Variants in PLCB1 observed in about 807,000 individuals in gnomAD.
PLCB1 encodes the protein phospholipase C beta 1, also known as 1-phosphatidylinositol 4,5-bisphosphate phosphodiesterase beta-1.
Under a neutral mutation model 161.8 loss-of-function variants are expected in PLCB1, and 46 were observed. That is an observed-to-expected ratio of 0.28 (90% CI 0.22 to 0.36). The LOEUF (loss-of-function observed/expected upper bound fraction) is 0.36, where lower values mean the gene tolerates loss of function less well. Ranked by LOEUF, PLCB1 falls within the 10% of genes least tolerant of loss-of-function variation. The pLI, the probability that PLCB1 is intolerant of heterozygous loss-of-function variation, is 1.00. For synonymous variants in PLCB1, 517 were observed against 503.7 expected, an observed-to-expected ratio of 1.03 and a Z score of -0.35; for missense variants, 1,016 against 1,472.5, an observed-to-expected ratio of 0.69 and a Z score of 5.07.
At chr20:8,134,896 C>T (rs536632262) in intron 1 of PLCB1, among the ~76,000 whole-genome samples, 12 of 151,814 alleles carry the variant, frequency 7.9e-5, no homozygotes, top group African/African-American at 2.9e-4. Flanking sequence ...CTAGACTGCA[C>T]TCAGGAGTCA....
chr20:8,780,882 G>A (rs1159408921), intron 27 of PLCB1, among the ~76,000 whole-genome samples: 2 of 152,160 alleles, frequency 1.3e-5, no homozygotes, highest in African/African-American at 4.8e-5. Flanking sequence ...CTGTAAGGAG[G>A]AACAACAAGA....
intron 2 of PLCB1, among the ~76,000 whole-genome samples, chr20:8,214,785 A>G (rs1286020638): frequency 1.3e-5 from 2 of 151,942 alleles, no homozygotes; most frequent in Non-Finnish European, 2.9e-5. Context: ...GGAGTTTGGG[A>G]TGATAGTTTT....
intron 11 of PLCB1, among the ~76,000 whole-genome samples, chr20:8,704,984 C>CTTTT (rs368791318): frequency 2.1e-4 from 25 of 118,804 alleles, no homozygotes; most frequent in African/African-American, 7.6e-4. Flanking sequence ...CTCCTTTACT[C>CTTTT]TTTTTTTTTT....
At chr20:8,558,051 G>A (rs79507832) in intron 3 of PLCB1, among the ~76,000 whole-genome samples, 2,926 of 151,858 alleles carry the variant, frequency 0.019, 84 homozygotes, top group African/African-American at 0.067. Context: ...GGGAAGTAGT[G>A]AGGCTTAATG....
intron 2 of PLCB1, among the ~76,000 whole-genome samples, chr20:8,239,377 C>T (rs992801817): frequency 6.6e-6 from 1 of 151,952 alleles, no homozygotes; most frequent in Non-Finnish European, 1.5e-5. Context: ...TTAGGCAAGG[C>T]AGTGCTAACA....
intron 1 of PLCB1, among the ~76,000 whole-genome samples, chr20:8,145,293 T>C (rs760928770): frequency 6.6e-6 from 1 of 152,112 alleles, no homozygotes; most frequent in Non-Finnish European, 1.5e-5. Context: ...TCTCTTCTTA[T>C]AAGGACACCA....
At chr20:8,388,829 A>G (rs891541580) in intron 3 of PLCB1, among the ~76,000 whole-genome samples, 15 of 152,196 alleles carry the variant, frequency 9.9e-5, no homozygotes, top group African/African-American at 3.6e-4. Flanking sequence ...ATTATATGGC[A>G]TAGTTCCTTT....
At chr20:8,641,348 A>G (rs1218543381) in intron 4 of PLCB1, among the ~76,000 whole-genome samples, 1 of 152,256 alleles carries the variant, frequency 6.6e-6, no homozygotes, top group Non-Finnish European at 1.5e-5. Flanking sequence ...CAAAAGACAT[A>G]AATCATAAAG....
chr20:8,265,168 T>C (rs1012151354), intron 2 of PLCB1, among the ~76,000 whole-genome samples: 7 of 152,188 alleles, frequency 4.6e-5, no homozygotes, highest in African/African-American at 1.7e-4. Flanking sequence ...ACACCAGTCA[T>C]TAGCTGCATA....
At chr20:8,871,389 G>A (rs539701046) in intron 31 of PLCB1, among the ~76,000 whole-genome samples, 9 of 152,250 alleles carry the variant, frequency 5.9e-5, no homozygotes, top group African/African-American at 2.2e-4. Flanking sequence ...CCAAAATAAG[G>A]ATAATACTAA....
intron 18 of PLCB1, 98 bp from the exon 19 acceptor site, chr20:8,733,140 T>C (rs1980361770): frequency 2.4e-6 from 3 of 1,236,972 alleles, no homozygotes; most frequent in Admixed American, 3.7e-5. Flanking sequence ...GGGAATACAG[T>C]CACAAAAGTG....
chr20:8,255,832 A>G (rs1300089459), intron 2 of PLCB1, among the ~76,000 whole-genome samples: 1 of 152,130 alleles, frequency 6.6e-6, no homozygotes, highest in Non-Finnish European at 1.5e-5. Context: ...TACATACATC[A>G]TCATGATCCC....
intron 9 of PLCB1, among the ~76,000 whole-genome samples, chr20:8,666,911 C>T (rs1989825209): frequency 6.6e-6 from 1 of 152,288 alleles, no homozygotes; most frequent in South Asian, 2.1e-4. Flanking sequence ...CTTTCTCCTC[C>T]TGACCTACCC....
intron 3 of PLCB1, among the ~76,000 whole-genome samples, chr20:8,417,097 TTTTTTTTG>T (rs1979332196): frequency 2.9e-5 from 3 of 102,162 alleles, no homozygotes; most frequent in African/African-American, 7.5e-5. Context: ...TTTTTTTTTT[TTTTTTTTG>T]AGATGGAGTC....
chr20:8,192,136 T>A (rs1303205496), intron 2 of PLCB1, among the ~76,000 whole-genome samples: 1 of 152,056 alleles, frequency 6.6e-6, no homozygotes, highest in Non-Finnish European at 1.5e-5. Flanking sequence ...TTAAAAAATG[T>A]CATCCTTTTA....
At chr20:8,571,851 G>C (rs1986530434) in intron 3 of PLCB1, among the ~76,000 whole-genome samples, 2 of 152,128 alleles carry the variant, frequency 1.3e-5, no homozygotes, top group Non-Finnish European at 2.9e-5. Flanking sequence ...AGTCATTAGG[G>C]CTGATTACAT....
intron 3 of PLCB1, among the ~76,000 whole-genome samples, chr20:8,377,351 G>A (rs374416119): frequency 1.3e-5 from 2 of 152,156 alleles, no homozygotes; most frequent in East Asian, 3.9e-4. Context: ...AGGCCAATGT[G>A]GCTACTGTAG....
chr20:8,419,443 G>A (rs1979440937), intron 3 of PLCB1, among the ~76,000 whole-genome samples: 1 of 151,980 alleles, frequency 6.6e-6, no homozygotes, highest in African/African-American at 2.4e-5. Flanking sequence ...TTTTACAGTG[G>A]CTGGAAAGTG....
intron 3 of PLCB1, among the ~76,000 whole-genome samples, chr20:8,554,254 G>A (rs186715936): frequency 6.6e-6 from 1 of 152,000 alleles, no homozygotes; most frequent in Admixed American, 6.6e-5. Flanking sequence ...CCATTCCTAG[G>A]TATTTACCCA....
Sources: allele counts gnomAD v4.1 joint callset (sites outside exome capture counted in the v4.1 genomes callset), GRCh38; gene constraint gnomAD v4.1.1; transcripts MANE v1.5; gene names NCBI Gene and HGNC (gene_info 2026-07-23, HGNC 2026-07-21).